The following ACP3 variants were observed in gnomAD, a reference collection of about 807,000 sequenced individuals.
ACP3 encodes the protein prostatic acid phosphatase.
ACP3 carries 38 observed loss-of-function variants against 45.6 expected under a neutral mutation model. The ratio of observed to expected loss-of-function variants is 0.83; its 90% CI spans 0.64 to 1.09. ACP3 has a LOEUF of 1.09. Ranked by LOEUF, ACP3 falls within the 50% of genes least tolerant of loss-of-function variation. The pLI is 0.00. For missense variants in ACP3, 466 were observed against 463.2 expected, an observed-to-expected ratio of 1.01 and a Z score of -0.05; for synonymous variants, 162 against 164.7, an observed-to-expected ratio of 0.98 and a Z score of 0.13.
chr3:132,324,494 C>G (rs1477885006), intron 1 of ACP3, among the ~76,000 whole-genome samples: 2 of 152,158 alleles, frequency 1.3e-5, no homozygotes, highest in Admixed American at 6.5e-5. Flanking sequence ...TACATGATCT[C>G]TTTGATCATA....
intron 2 of ACP3, among the ~76,000 whole-genome samples, chr3:132,330,228 G>A (rs1937376258): frequency 1.3e-5 from 2 of 151,950 alleles, no homozygotes; most frequent in African/African-American, 4.8e-5. Context: ...CCTTGTCTAG[G>A]TACTTTAAAT....
Position 132,357,761 on chromosome 3 carries a change from T to C in ACP3, c.*883T>C. ...TCTAAAGTTGATTTAAGGCCAGGCA[T>C]GGTGGTTTACGCCTATAATCCCAGC... is the stretch of plus-strand genomic sequence containing the variant. On this transcript the variant is annotated 3_prime_UTR_variant, in exon 10 of 10. Coordinates refer to ENST00000336375, the MANE Select transcript of ACP3 (RefSeq NM_001099.5). 1 of 985,112 alleles carries C rather than the reference T, an allele frequency of 1.0e-6. No homozygotes were observed. Among genetic ancestry groups the C allele is most frequent in the Non-Finnish European group, 1.2e-6 (1 of 829,732 alleles). 61.0% of individuals were successfully genotyped at this position (985,112 alleles called of 1,614,324 possible).
intron 9 of ACP3, 73 bp downstream of exon 9, chr3:132,352,896 G>C: frequency 9.1e-7 from 1 of 1,097,228 alleles, no homozygotes; most frequent in South Asian, 1.3e-5. Flanking sequence ...TTGGGTTAAG[G>C]GTTGTGTGCC....
chr3:132,350,250 C>A (rs1365917876), intron 8 of ACP3, among the ~76,000 whole-genome samples: 1 of 152,174 alleles, frequency 6.6e-6, no homozygotes. Flanking sequence ...TGCTATGGCA[C>A]CTCAGAAAAT....
At chr3:132,359,356 C>CA (rs1429037855), downstream of ACP3, among the ~76,000 whole-genome samples, 3 of 152,036 alleles carry the variant, frequency 2.0e-5, no homozygotes, top group Non-Finnish European at 4.4e-5. Context: ...ACTAAAAATA[C>CA]AAAAAGCCGG....
downstream of ACP3, among the ~76,000 whole-genome samples, chr3:132,360,250 A>G (rs1011089855): frequency 2.6e-5 from 4 of 152,046 alleles, no homozygotes; most frequent in African/African-American, 7.3e-5. Flanking sequence ...CTAGCAAATA[A>G]AAGTACAGGA....
At chr3:132,320,347 A>G (rs1381805080) in intron 1 of ACP3, among the ~76,000 whole-genome samples, 1 of 152,176 alleles carries the variant, frequency 6.6e-6, no homozygotes, top group Non-Finnish European at 1.5e-5. Context: ...AGCTTCAAAG[A>G]CTATCACCCA....
chr3:132,350,536 G>A (rs1937704399), intron 8 of ACP3, among the ~76,000 whole-genome samples: 1 of 152,182 alleles, frequency 6.6e-6, no homozygotes, highest in East Asian at 1.9e-4. Flanking sequence ...TGATTAAGTA[G>A]AATGAAAAAT....
Position 132,317,496 on chromosome 3 carries a change from C to T in ACP3, c.40C>T (p.Leu14Phe). ...CCTCCTCCTGGCCAGGGCAGCAAGC[C>T]TTAGCCTTGGCTTCTTGTTTCTGCT... ...APLLLARAAS[L>F]SLGFLFLLFF... The change falls in exon 1 of 10, where the codon CTT (leucine) becomes TTT (phenylalanine). Residue 14 changes from leucine (L) to phenylalanine (F), a missense_variant. Leu to Phe is a conservative substitution (Grantham distance 22, BLOSUM62 0). Transcript: ENST00000336375. 6.2e-7 allele frequency: 1 copy of T among 1,613,760 alleles called. No homozygotes were observed.
At chr3:132,342,501 T>C (rs777463529) in intron 5 of ACP3, 51 bp from the exon 6 acceptor site, 11 of 1,285,806 alleles carry the variant, frequency 8.6e-6, no homozygotes, top group South Asian at 1.2e-5. Context: ...TCAATAATGC[T>C]GAAGCTGAGA....
intron 7 of ACP3, among the ~76,000 whole-genome samples, chr3:132,348,057 A>G (rs1273801808): frequency 2.0e-5 from 3 of 152,074 alleles, no homozygotes; most frequent in African/African-American, 7.2e-5. Context: ...TGCATTGTCT[A>G]TTGCTGCTTT....
rs1295630255 is a variant in ACP3 at position 132,367,848 on chromosome 3, A to G, written c.*26A>G. The G allele has an allele frequency of 2.7e-6, 4 of 1,482,842 alleles. No homozygotes were observed. In the East Asian group the frequency reaches 6.8e-5, roughly 25 times the overall value. 91.9% of individuals were successfully genotyped at this position (1,482,842 alleles called of 1,614,324 possible). A position where few individuals can be genotyped will look rare whatever the true frequency, so the allele number is the denominator to read the frequency against. On this transcript the variant is annotated 3_prime_UTR_variant, in exon 11 of 11. Transcript: ENST00000351273. Reference sequence around the variant, plus strand: ...ACAGACAGCTGGATAAGCCAGGCCAACCTCCTGTGACACAGCATCTCTCAG... The same window carrying G: ...ACAGACAGCTGGATAAGCCAGGCCAGCCTCCTGTGACACAGCATCTCTCAG...
At chr3:132,330,295 C>T (rs1034776845) in intron 2 of ACP3, among the ~76,000 whole-genome samples, 2 of 152,010 alleles carry the variant, frequency 1.3e-5, no homozygotes, top group African/African-American at 4.8e-5. Context: ...TTTTAATCTG[C>T]CTTGTCTAGG....
chr3:132,339,879 C>T (rs6806351), intron 5 of ACP3, among the ~76,000 whole-genome samples: 31,556 of 152,060 alleles, frequency 0.21, 3,348 homozygotes, highest in Middle Eastern at 0.3. Flanking sequence ...GCTCTAATCC[C>T]GGCCTTGGCT....
chr3:132,347,899 G>T (rs1391186551), intron 7 of ACP3, among the ~76,000 whole-genome samples: 3 of 141,742 alleles, frequency 2.1e-5, no homozygotes, highest in African/African-American at 8.4e-5. Context: ...GCAAATTTAG[G>T]ATCATATGGC....
At chr3:132,321,359 A>C (rs1179651740) in intron 1 of ACP3, among the ~76,000 whole-genome samples, 1 of 152,118 alleles carries the variant, frequency 6.6e-6, no homozygotes, top group African/African-American at 2.4e-5. Context: ...AATTCCACTG[A>C]AAAGCAAAAA....
chr3:132,332,612 C>CAG lies in ACP3; in HGVS notation c.456+283_456+284dup, dbSNP rs113775608. 8.0e-3 allele frequency: 2,861 copies of CAG among 357,416 alleles called. 65 individuals carry two copies. Among genetic ancestry groups the CAG allele is most frequent in the African/African-American group, 0.052 (2,477 of 47,976 alleles). 22.1% of individuals were successfully genotyped at this position (357,416 alleles called of 1,614,324 possible). A position where few individuals can be genotyped will look rare whatever the true frequency, so the allele number is the denominator to read the frequency against. On this transcript the variant is annotated intron_variant, in intron 4 of 9. Transcript: ENST00000336375. The stretch of plus-strand genomic sequence containing the variant: ...CAATTTGCCCCCTCATCGTCATACA[C>CAG]AGAGAGAGAGAGAGAGGGAGAGGGA...
chr3:132,336,679 AG>A (rs1047868916), intron 4 of ACP3, among the ~76,000 whole-genome samples: 13 of 152,134 alleles, frequency 8.5e-5, no homozygotes, highest in African/African-American at 3.1e-4. Context: ...CTATGCCTTC[AG>A]GGACAGCAAG....
chr3:132,341,938 T>C (rs576675597), intron 5 of ACP3, among the ~76,000 whole-genome samples: 1 of 152,374 alleles, frequency 6.6e-6, no homozygotes, highest in Non-Finnish European at 1.5e-5. Context: ...GGTCTCATTA[T>C]TGCGACATTC....
Sources: gnomAD v4.1 joint callset for allele counts (sites outside exome capture counted in the v4.1 genomes callset) on GRCh38, gnomAD v4.1.1 for gene constraint, MANE v1.5 for transcripts, NCBI Gene and HGNC (gene_info 2026-07-23, HGNC 2026-07-21) for gene names.